Variants in IQANK1 observed in about 807,000 individuals in gnomAD.
IQANK1 encodes IQ motif and ankyrin repeat domain-containing protein 1.
In IQANK1, 30 loss-of-function variants were observed where a neutral mutation model predicts 22.6. The observed-to-expected ratio is 1.33, with a 90% CI of 0.99 to 1.80. The LOEUF (loss-of-function observed/expected upper bound fraction) is 1.80. IQANK1 is among the 40% of genes most tolerant of loss of function. The pLI is 0.00. For synonymous variants in IQANK1, 122 were observed against 99.6 expected (o/e 1.23, Z -1.34); for missense variants, 275 against 235.2 (o/e 1.17, Z -1.11).
intron 3 of IQANK1, chr8:143,742,955 C>A: frequency 2.2e-6 from 1 of 456,116 alleles, no homozygotes; most frequent in Non-Finnish European, 4.4e-6. Context: ...CCGGCACAGC[C>A]TAGATCTATG....
At chr8:143,787,829 C>T (rs1446724494) in intron 7 of IQANK1, among the ~76,000 whole-genome samples, 7 of 152,098 alleles carry the variant, frequency 4.6e-5, no homozygotes, top group African/African-American at 1.7e-4. Flanking sequence ...CGCTCACCCG[C>T]GCACCCCTAA....
At position 143,735,527 on chromosome 8, in the gene IQANK1, C is replaced by G. The variant is rs1257548633; in HGVS notation, c.-4-323C>G. Among the ~76,000 whole-genome samples the G allele has an allele frequency of 6.6e-6, 1 of 152,126 alleles. No individual in the cohort carries two copies. The highest frequency in any genetic ancestry group is 1.5e-5 in the Non-Finnish European group (1 of 67,994). On this transcript the variant is annotated intron_variant, in intron 1 of 13. Transcript: ENST00000527139. The surrounding 1 kb of genome is among the most constrained non-coding windows in gnomAD (Gnocchi z 5.2). ...GACCGGCCCACTGGCAACCCAGCAG[C>G]TTGGGGCAGGGAGAAGAGTGCTAGA...
rs561923991 is a variant in IQANK1 at position 143,789,054 on chromosome 8, G to T, written c.929G>T (p.Arg310Leu). ...AQRHKEAEAE[R>L]CGSMTLKVQQ... is the part of the protein sequence containing the mutation. ...AGGCACAAGGAGGCCGAGGCTGAGC[G>T]GTGTGGAAGGCAGGAGGGGTGTGGG... Residue 310 changes from arginine (R) to leucine (L), a missense_variant, in exon 8 of 14, where the codon CGG (arginine) becomes CTG (leucine). Coordinates refer to ENST00000527139, the MANE Select transcript of IQANK1 (RefSeq NM_001381874.1). 1.0e-5 allele frequency: 4 copies of T among 400,852 alleles called. No individual in the cohort carries two copies. In the East Asian group the frequency reaches 1.4e-4, roughly 14 times the overall value. The allele number at this position is 400,852 out of a possible 1,614,324, so 24.8% of individuals were successfully genotyped here.
At chr8:143,739,557 A>T (rs1818837107) in intron 2 of IQANK1, 1 of 321,598 alleles carries the variant, frequency 3.1e-6, no homozygotes, top group Non-Finnish European at 5.6e-6. Flanking sequence ...CTGCCAGCCC[A>T]CAGGGTCCTT....
rs560363894 is a variant in IQANK1, at chr8:143,772,266, C to T, written c.663+23C>T. On this transcript the variant is annotated intron_variant, in intron 6 of 13. Transcript: ENST00000527139. ...AAGGTGGGCGCCGTGGGCCGCGGGC[C>T]GCCGCGCTGAGGGGCGCGGTCCAGG... The T allele has an allele frequency of 1.5e-5, 6 of 397,566 alleles. No homozygotes were observed. In the South Asian group the frequency reaches 7.6e-4, roughly 51 times the overall value. The allele number at this position is 397,566 out of a possible 1,614,324, so 24.6% of individuals were successfully genotyped here.
chr8:143,787,300 T>C (rs1204132170), intron 7 of IQANK1, among the ~76,000 whole-genome samples: 3 of 152,182 alleles, frequency 2.0e-5, no homozygotes, highest in Admixed American at 2.0e-4. Context: ...GGGAAGCAGA[T>C]AGCACAGGGC....
intron 3 of IQANK1, among the ~76,000 whole-genome samples, chr8:143,753,223 A>C (rs1554628246): frequency 6.6e-6 from 1 of 151,830 alleles, no homozygotes; most frequent in East Asian, 1.9e-4. Flanking sequence ...TATGTTGCCC[A>C]GGCTGGTCTT....
intron 1 of IQANK1, among the ~76,000 whole-genome samples, chr8:143,734,465 G>T (rs1247322053): frequency 6.7e-6 from 1 of 150,200 alleles, no homozygotes; most frequent in Non-Finnish European, 1.5e-5. Context: ...ACTTGTAGGG[G>T]ACTCTGCCGC....
At chr8:143,757,966 C>T (rs1304627621) in intron 3 of IQANK1, among the ~76,000 whole-genome samples, 1 of 152,068 alleles carries the variant, frequency 6.6e-6, no homozygotes, top group Non-Finnish European at 1.5e-5. Context: ...TTCATTTAGT[C>T]CAATCAGGAT....
At chr8:143,765,826 A>C (rs1341530085) in intron 3 of IQANK1, among the ~76,000 whole-genome samples, 1 of 152,224 alleles carries the variant, frequency 6.6e-6, no homozygotes, top group African/African-American at 2.4e-5. Flanking sequence ...TGTTATGTGC[A>C]TATAACATTA....
rs1554625475 is a variant in IQANK1 at position 143,735,156 on chromosome 8, G to A, written c.-4-694G>A. ...GCCACCCCACTGGTACCAGCATGCT[G>A]GAAACATGGGTGGGGGGTCAGACCA... On this transcript the variant is annotated intron_variant, in intron 1 of 13. Transcript: ENST00000527139. The surrounding 1 kb of genome is among the most constrained non-coding windows in gnomAD (Gnocchi z 5.2). Among the ~76,000 whole-genome samples, 1 of 152,248 alleles carries A rather than the reference G, an allele frequency of 6.6e-6. No homozygotes were observed. Among genetic ancestry groups the A allele is most frequent in the African/African-American group, 2.4e-5 (1 of 41,464 alleles).
chr8:143,787,743 C>T (rs1285588421), intron 7 of IQANK1, among the ~76,000 whole-genome samples: 2 of 152,242 alleles, frequency 1.3e-5, no homozygotes, highest in South Asian at 2.1e-4. Flanking sequence ...GGCTCACCCG[C>T]GCACCCCACC....
chr8:143,738,703 C>T (rs1587468876), intron 2 of IQANK1, among the ~76,000 whole-genome samples: 1 of 152,132 alleles, frequency 6.6e-6, no homozygotes, highest in South Asian at 2.1e-4. Flanking sequence ...CCCCCGCCCC[C>T]GCCCCATCCC....
intron 3 of IQANK1, among the ~76,000 whole-genome samples, chr8:143,767,279 A>G (rs1221057568): frequency 6.6e-6 from 1 of 152,190 alleles, no homozygotes; most frequent in African/African-American, 2.4e-5. Context: ...CACTCAATCT[A>G]TGAATATGGT....
At chr8:143,749,308 A>G (rs1354050987) in intron 3 of IQANK1, among the ~76,000 whole-genome samples, 1 of 108,766 alleles carries the variant, frequency 9.2e-6, no homozygotes. Context: ...ATATAAAAAT[A>G]TAAAAATATA....
In IQANK1 at chr8:143,771,574, G is replaced by A; in HGVS notation, c.262G>A (p.Glu88Lys). ...ARRELARRRE[E>K]RREYLEQMET... ...GAGGGAGCTCGCCCGCCGCCGGGAGGAGCGCCGGGAGTACCTGGAGCAGAT... is the reference window on the plus strand; with the variant it reads ...GAGGGAGCTCGCCCGCCGCCGGGAGAAGCGCCGGGAGTACCTGGAGCAGAT... The change falls in exon 4 of 14, where the codon GAG becomes AAG. Residue 88 changes from glutamate to lysine, a missense_variant. Transcript: ENST00000527139. The surrounding 1 kb of genome is among the most constrained non-coding windows in gnomAD (Gnocchi z 6.0). The A allele has an allele frequency of 2.5e-6, 1 of 398,344 alleles. No individual in the cohort carries two copies. 24.7% of individuals were successfully genotyped at this position (398,344 alleles called of 1,614,324 possible).
chr8:143,740,690 G>A (rs1554626356), intron 3 of IQANK1, among the ~76,000 whole-genome samples: 2 of 152,196 alleles, frequency 1.3e-5, no homozygotes, highest in African/African-American at 4.8e-5. Flanking sequence ...CATGCTGGCC[G>A]CAGCCTCCAG....
At chr8:143,738,856 C>T (rs887880382) in intron 2 of IQANK1, among the ~76,000 whole-genome samples, 7 of 152,206 alleles carry the variant, frequency 4.6e-5, no homozygotes, top group African/African-American at 1.2e-4. Context: ...CATGGGAACC[C>T]GCAGCCCATG....
At chr8:143,740,779 C>T (rs891158373) in intron 3 of IQANK1, among the ~76,000 whole-genome samples, 8 of 152,282 alleles carry the variant, frequency 5.3e-5, no homozygotes, top group African/African-American at 1.7e-4. Flanking sequence ...GCCTGTGTAC[C>T]CCACCACCCC....
Sources: allele counts gnomAD v4.1 joint callset (sites outside exome capture counted in the v4.1 genomes callset), GRCh38; gene constraint gnomAD v4.1.1; non-coding constraint Gnocchi (gnomAD v3.1); transcripts MANE v1.5; gene names NCBI Gene and HGNC (gene_info 2026-07-23, HGNC 2026-07-21).